Variants in OPRM1 observed in about 807,000 individuals in gnomAD.
OPRM1 encodes mu-type opioid receptor.
Under a neutral mutation model 31.8 loss-of-function variants are expected in OPRM1, and 27 were observed. That is an observed-to-expected ratio of 0.85 (90% CI 0.63 to 1.17). The LOEUF is 1.17. Among genes scored for constraint, OPRM1 ranks in the 50% most tolerant of loss-of-function variants. The pLI is 0.00. For synonymous variants in OPRM1, 196 were observed against 189.9 expected, an observed-to-expected ratio of 1.03 and a Z score of -0.26; for missense variants, 536 against 511.1, an observed-to-expected ratio of 1.05 and a Z score of -0.47.
At chr6:154,114,452 G>A (rs546149877) in intron 3 of OPRM1, among the ~76,000 whole-genome samples, 3 of 152,076 alleles carry the variant, frequency 2.0e-5, no homozygotes, top group Non-Finnish European at 4.4e-5. Flanking sequence ...AAGAGAGAAA[G>A]AGAAAGAGAG....
At chr6:154,069,005 T>C (rs1786065758) in intron 1 of OPRM1, among the ~76,000 whole-genome samples, 1 of 152,242 alleles carries the variant, frequency 6.6e-6, no homozygotes, top group South Asian at 2.1e-4. Context: ...TGTATGCCTT[T>C]TGAGACATGT....
At chr6:154,100,134 ATAATATATATTATCATATTATGACG>A (rs1382623192) in intron 3 of OPRM1, among the ~76,000 whole-genome samples, 1,368 of 20,346 alleles carry the variant, frequency 0.067, 97 homozygotes, top group Admixed American at 0.098. Context: ...ATTATGACAT[ATAATATATATTATCATATTATGACG>A]TATCATAATA....
chr6:154,241,388 A>G (rs551361768), intron 3 of OPRM1, among the ~76,000 whole-genome samples: 1 of 152,312 alleles, frequency 6.6e-6, no homozygotes, highest in South Asian at 2.1e-4. Context: ...ACAAGTATCT[A>G]ATAATTTTAT....
At chr6:154,134,368 C>T (rs1798003532), downstream of OPRM1, among the ~76,000 whole-genome samples, 1 of 152,170 alleles carries the variant, frequency 6.6e-6, no homozygotes, top group Non-Finnish European at 1.5e-5. Context: ...CATCGACATT[C>T]AATCCAAGAT....
intron 1 of OPRM1, among the ~76,000 whole-genome samples, chr6:154,080,858 T>G (rs1263811500): frequency 6.6e-6 from 1 of 152,258 alleles, no homozygotes; most frequent in African/African-American, 2.4e-5. Context: ...TATTATCATC[T>G]ATCCATTCTC....
At chr6:154,107,896 G>C (rs1177365222) in intron 3 of OPRM1, 3 of 665,252 alleles carry the variant, frequency 4.5e-6, no homozygotes, top group Middle Eastern at 3.7e-4. Context: ...CTTAAAAATA[G>C]CCTTTGAATT....
chr6:154,053,018 C>G (rs1782513343), intron 1 of OPRM1, among the ~76,000 whole-genome samples: 1 of 152,200 alleles, frequency 6.6e-6, no homozygotes, highest in Admixed American at 6.5e-5. Flanking sequence ...AAAATTATCT[C>G]TATTTCACCC....
chr6:154,149,916 G>A (rs1383159325), intron 3 of OPRM1, among the ~76,000 whole-genome samples: 1 of 152,090 alleles, frequency 6.6e-6, no homozygotes, highest in East Asian at 1.9e-4. Context: ...GTCTCCTACT[G>A]ACAGCTCCCA....
intron 3 of OPRM1, among the ~76,000 whole-genome samples, chr6:154,092,539 C>T (rs533586): frequency 0.67 from 101,893 of 152,018 alleles, 34,460 homozygotes; most frequent in East Asian, 0.9. Flanking sequence ...CAGATGGCTC[C>T]GGAGAAATGA....
intron 1 of OPRM1, among the ~76,000 whole-genome samples, chr6:154,042,114 G>A (rs1452200452): frequency 6.6e-6 from 1 of 152,162 alleles, no homozygotes; most frequent in Non-Finnish European, 1.5e-5. Context: ...AGTACTATTT[G>A]AAAGGTCATC....
chr6:154,087,026 T>C (rs1465483407), intron 1 of OPRM1: 1 of 984,026 alleles, frequency 1.0e-6, no homozygotes, highest in Admixed American at 6.1e-5. Context: ...ATTTGCCATA[T>C]TTAAAGTCCA....
At chr6:154,109,941 G>C (rs575430384) in intron 3 of OPRM1, among the ~76,000 whole-genome samples, 1 of 152,030 alleles carries the variant, frequency 6.6e-6, no homozygotes, top group South Asian at 2.1e-4. Context: ...CAGAATAAAG[G>C]TTTCACTAAG....
intron 3 of OPRM1, among the ~76,000 whole-genome samples, chr6:154,161,204 C>A (rs539868368): frequency 8.1e-4 from 122 of 150,664 alleles, no homozygotes; most frequent in African/African-American, 2.7e-3. Flanking sequence ...CAATTTTTTT[C>A]TTTTCTTTTC....
chr6:154,172,411 C>T (rs1481229481), intron 3 of OPRM1, among the ~76,000 whole-genome samples: 16 of 152,174 alleles, frequency 1.1e-4, no homozygotes, highest in Admixed American at 5.2e-4. Flanking sequence ...GTAACCGTAC[C>T]TGGAGGAATG....
At chr6:154,070,664 C>A (rs779092056) in intron 1 of OPRM1, among the ~76,000 whole-genome samples, 9 of 152,200 alleles carry the variant, frequency 5.9e-5, no homozygotes, top group Non-Finnish European at 1.3e-4. Flanking sequence ...TGGGACTCAG[C>A]AACTTGACTA....
chr6:154,231,242 T>C (rs1328238936), intron 3 of OPRM1, among the ~76,000 whole-genome samples: 3 of 152,196 alleles, frequency 2.0e-5, no homozygotes, highest in Non-Finnish European at 4.4e-5. Context: ...GAAGAAAAGT[T>C]AGGATAAAAT....
At chr6:154,080,570 C>G (rs1007651256) in intron 1 of OPRM1, among the ~76,000 whole-genome samples, 1 of 152,200 alleles carries the variant, frequency 6.6e-6, no homozygotes, top group East Asian at 1.9e-4. Flanking sequence ...TCTTTCCTCC[C>G]TGTCTCGCTC....
chr6:154,194,667 A>G (rs1292815393), intron 3 of OPRM1, among the ~76,000 whole-genome samples: 2 of 152,168 alleles, frequency 1.3e-5, no homozygotes, highest in African/African-American at 4.8e-5. Flanking sequence ...TAGCTTCAGG[A>G]AAAATTGTAG....
rs76773039 is a variant in OPRM1 at position 154,039,797 on chromosome 6, C to A, written c.253C>A (p.Leu85Ile). 9 of 1,597,026 alleles carry A rather than the reference C, an allele frequency of 5.6e-6. No individual in the cohort carries two copies. In the African/African-American group the frequency reaches 1.1e-4, roughly 19 times the overall value. ...ALYSIVCVVG[L>I]FGNFLVMYVI... ...CTACTCCATCGTGTGCGTGGTGGGG[C>A]TCTTCGGAAACTTCCTGGTCATGTA... The change falls in exon 1 of 4, where the codon CTC becomes ATC. Residue 85 changes from leucine to isoleucine, a missense_variant. Transcript: ENST00000330432.
Sources: allele counts gnomAD v4.1 joint callset (sites outside exome capture counted in the v4.1 genomes callset), GRCh38; gene constraint gnomAD v4.1.1; transcripts MANE v1.5; gene names NCBI Gene and HGNC (gene_info 2026-07-23, HGNC 2026-07-21).